Variants in ABI3BP observed in about 807,000 individuals in gnomAD.
ABI3BP encodes ABI family member 3 binding protein.
ABI3BP carries 216 observed loss-of-function variants against 268.6 expected under a neutral mutation model. The ratio of observed to expected loss-of-function variants is 0.80; its 90% CI spans 0.72 to 0.90. The LOEUF is 0.90. Among genes scored for constraint, ABI3BP ranks in the 40% least tolerant of loss-of-function variants. ABI3BP has a pLI of 0.00. For synonymous variants in ABI3BP, 730 were observed against 730.0 expected (o/e 1.00, Z 0.00); for missense variants, 2,090 against 2,182.4 (o/e 0.96, Z 0.84).
chr3:100,804,033 G>A (rs994070872), intron 51 of ABI3BP, among the ~76,000 whole-genome samples: 4 of 152,162 alleles, frequency 2.6e-5, no homozygotes, highest in Non-Finnish European at 4.4e-5. Flanking sequence ...TATAATAATT[G>A]TACCTTTAAA....
chr3:100,752,612 TA>T, intron 66 of ABI3BP, 174 bp downstream of exon 66: 1 of 621,656 alleles, frequency 1.6e-6, no homozygotes. Flanking sequence ...TAGCATGTCT[TA>T]AATCCTTGCT....
chr3:100,861,560 C>G (rs1372062290), intron 14 of ABI3BP, among the ~76,000 whole-genome samples: 2 of 152,090 alleles, frequency 1.3e-5, no homozygotes, highest in Non-Finnish European at 2.9e-5. Context: ...TCTTATAATT[C>G]TCATATGCTG....
intron 12 of ABI3BP, chr3:100,863,300 A>G (rs10460870): frequency 0.051 from 8,333 of 162,344 alleles, 652 homozygotes; most frequent in African/African-American, 0.17. Context: ...GTGGCTTTAT[A>G]TGTAAGCTCC....
chr3:100,882,712 C>T (rs1223288315), intron 6 of ABI3BP, among the ~76,000 whole-genome samples: 1 of 151,956 alleles, frequency 6.6e-6, no homozygotes, highest in Admixed American at 6.6e-5. Flanking sequence ...ATTAAATTCC[C>T]TGAGAGTAAA....
chr3:100,862,431 T>A (rs2099008545), intron 13 of ABI3BP, 46 bp from the exon 14 acceptor site: 7 of 1,229,910 alleles, frequency 5.7e-6, no homozygotes, highest in East Asian at 5.0e-5. Flanking sequence ...TTTTTTTTTT[T>A]AACAGGAGAA....
At chr3:100,862,226 TAATC>T (rs1407344142) in intron 14 of ABI3BP, 81 bp downstream of exon 14, 6 of 878,084 alleles carry the variant, frequency 6.8e-6, no homozygotes, top group African/African-American at 3.4e-5. Context: ...AGCATAATGA[TAATC>T]AATTAAGGAA....
chr3:100,942,889 T>C (rs1200601275), intron 1 of ABI3BP, among the ~76,000 whole-genome samples: 1 of 152,120 alleles, frequency 6.6e-6, no homozygotes, highest in African/African-American at 2.4e-5. Flanking sequence ...CCCAATGTCA[T>C]TTGAAAGACA....
chr3:100,841,631 G>A (rs2098703943), intron 21 of ABI3BP, among the ~76,000 whole-genome samples: 1 of 152,142 alleles, frequency 6.6e-6, no homozygotes, highest in Admixed American at 6.6e-5. Flanking sequence ...GTTCACACCT[G>A]TAATCCCAGC....
chr3:100,821,234 A>C (rs1025052831), intron 38 of ABI3BP, 121 bp from the exon 39 acceptor site: 1 of 806,722 alleles, frequency 1.2e-6, no homozygotes, highest in African/African-American at 1.7e-5. Flanking sequence ...AGCAACCTTT[A>C]AAAACTGTTA....
chr3:100,768,014 A>G (rs2096364595), intron 62 of ABI3BP, among the ~76,000 whole-genome samples: 1 of 151,976 alleles, frequency 6.6e-6, no homozygotes, highest in African/African-American at 2.4e-5. Context: ...CATTCTTCTT[A>G]ATATTAAACC....
Position 100,817,506 on chromosome 3 carries a change from A to G in ABI3BP, c.3089-11T>C, listed in dbSNP as rs1346645081. 1.4e-6 allele frequency: 2 copies of G among 1,449,300 alleles called. No individual in the cohort carries two copies. Among genetic ancestry groups the G allele is most frequent in the Non-Finnish European group, 9.2e-7 (1 of 1,092,374 alleles). 89.8% of individuals were successfully genotyped at this position (1,449,300 alleles called of 1,614,324 possible). On this transcript the variant is annotated splice_polypyrimidine_tract_variant and intron_variant, in intron 41 of 67. Transcript: ENST00000471714. ...GGACTGTAGTAACAACTAGACAAAA[A>G]TAATAAAATAAAGCAAAAAGATTTA...
At chr3:100,754,857 T>G (rs1053195283) in intron 63 of ABI3BP, among the ~76,000 whole-genome samples, 166 bp from the exon 64 acceptor site, 45 of 152,338 alleles carry the variant, frequency 3.0e-4, no homozygotes, top group African/African-American at 1.1e-3. Flanking sequence ...AATGATTTCT[T>G]AGTTTTACTA....
rs188851440 is a variant in ABI3BP, at chr3:100,949,821, G to C, written c.80-23340C>G. On this transcript the variant is annotated intron_variant, in intron 1 of 67. Coordinates refer to ENST00000471714, the MANE Select transcript of ABI3BP (RefSeq NM_001375547.2). ...AGTGGCGTTTTGAAGAAGGAGGACT[G>C]TATAGTGGAACATAATGGGCCACAC... Among the ~76,000 whole-genome samples, 9 of 152,264 alleles carry C rather than the reference G, an allele frequency of 5.9e-5. No individual in the cohort carries two copies. The East Asian group carries it at 1.5e-3, about 26-fold the overall frequency.
At chr3:100,888,845 G>C (rs1054293780) in intron 4 of ABI3BP, among the ~76,000 whole-genome samples, 1 of 141,472 alleles carries the variant, frequency 7.1e-6, no homozygotes, top group Non-Finnish European at 1.5e-5. Flanking sequence ...AGAGAGATTA[G>C]GCCACTTAAC....
At chr3:100,843,592 G>A (rs1312554851) in intron 20 of ABI3BP, 2 of 983,006 alleles carry the variant, frequency 2.0e-6, no homozygotes, top group Non-Finnish European at 2.4e-6. Context: ...AAGAGTGTCT[G>A]GGAGATGGAG....
chr3:100,787,771 C>A lies in ABI3BP; in HGVS notation c.4119G>T (p.Arg1373Ser). Residue 1373 changes from arginine (R) to serine (S), a missense_variant, in exon 57 of 68, where the codon AGG becomes AGT. Arg to Ser is a moderately radical substitution (Grantham distance 110). Transcript: ENST00000471714. Reference sequence around the variant, plus strand: ...CACTGGGCATCCCACTGGGTTTGGGCCTAGTAGGTCTTGTAGTTGTCCTAT... The same window carrying A: ...CACTGGGCATCCCACTGGGTTTGGGACTAGTAGGTCTTGTAGTTGTCCTAT... ...VLNRTTTRPT[R>S]PKPSGMPSGN... 1 of 1,532,126 alleles carries A rather than the reference C, an allele frequency of 6.5e-7. No individual in the cohort carries two copies. Among genetic ancestry groups the A allele is most frequent in the Middle Eastern group, 1.7e-4 (1 of 5,952 alleles). 94.9% of individuals were successfully genotyped at this position (1,532,126 alleles called of 1,614,324 possible). A position where few individuals can be genotyped will look rare whatever the true frequency, so the allele number is the denominator to read the frequency against.
chr3:100,870,934 G>A (rs2099103233), intron 9 of ABI3BP, among the ~76,000 whole-genome samples: 1 of 152,086 alleles, frequency 6.6e-6, no homozygotes, highest in Non-Finnish European at 1.5e-5. Flanking sequence ...TATAAGCCAA[G>A]CACAGAAAGA....
intron 55 of ABI3BP, among the ~76,000 whole-genome samples, chr3:100,790,222 T>C (rs944432517): frequency 6.6e-6 from 1 of 151,964 alleles, no homozygotes; most frequent in Non-Finnish European, 1.5e-5. Flanking sequence ...GGGTGACCAT[T>C]GTATGCAGGC....
intron 1 of ABI3BP, among the ~76,000 whole-genome samples, chr3:100,943,882 G>C (rs2070771297): frequency 6.6e-6 from 1 of 152,108 alleles, no homozygotes; most frequent in African/African-American, 2.4e-5. Flanking sequence ...CCAAGAAAAA[G>C]TGAAATTATA....
Sources: allele counts gnomAD v4.1 joint callset (sites outside exome capture counted in the v4.1 genomes callset), GRCh38; gene constraint gnomAD v4.1.1; transcripts MANE v1.5; gene names NCBI Gene and HGNC (gene_info 2026-07-23, HGNC 2026-07-21).